CACNA1S: variants seen among roughly 807,000 people sequenced by gnomAD.
CACNA1S encodes calcium voltage-gated channel subunit alpha1 S.
CACNA1S carries 126 observed loss-of-function variants against 207.4 expected under a neutral mutation model. The observed-to-expected ratio is 0.61, with a 90% CI of 0.53 to 0.70. CACNA1S has a LOEUF of 0.70. Among genes scored for constraint, CACNA1S ranks in the 30% least tolerant of loss-of-function variants. The pLI is 0.00. For synonymous variants in CACNA1S, 960 were observed against 932.7 expected, an observed-to-expected ratio of 1.03 and a Z score of -0.53; for missense variants, 2,349 against 2,422.8, an observed-to-expected ratio of 0.97 and a Z score of 0.64.
At chr1:201,095,626 T>C (rs1383087007) in intron 2 of CACNA1S, among the ~76,000 whole-genome samples, 1 of 152,210 alleles carries the variant, frequency 6.6e-6, no homozygotes, top group Non-Finnish European at 1.5e-5. Flanking sequence ...TTGCTTTTCT[T>C]AATTTTGCCC....
At position 201,049,030 on chromosome 1, in the gene CACNA1S, C is replaced by A; in HGVS notation, c.4311G>T (p.Lys1437Asn). 1 of 1,613,920 alleles carries A rather than the reference C, an allele frequency of 6.2e-7. No homozygotes were observed. ...RRIQPPLGFGKFCPHRVACKR... is the reference protein window; with the variant it reads ...RRIQPPLGFGNFCPHRVACKR... ...TACAAGCTACCCGATGTGGGCAGAA[C>A]TTCCCAAAGCCCAGAGGGGGCTGAA... The change falls in exon 35 of 44, where the codon AAG (lysine) becomes AAT (asparagine). Residue 1437 changes from lysine (K) to asparagine (N), a missense_variant. Physicochemically the swap from Lys to Asn is moderately conservative, Grantham distance 94. Coordinates refer to ENST00000362061, the MANE Select transcript of CACNA1S (RefSeq NM_000069.3).
intron 2 of CACNA1S, among the ~76,000 whole-genome samples, chr1:201,096,632 G>C (rs760103970): frequency 1.3e-5 from 2 of 152,210 alleles, no homozygotes; most frequent in African/African-American, 4.8e-5. Flanking sequence ...CAGCTCTGCT[G>C]CTTTGGGCAA....
chr1:201,061,773 C>T (rs1038193569), intron 24 of CACNA1S, among the ~76,000 whole-genome samples, 171 bp downstream of exon 24: 2 of 152,206 alleles, frequency 1.3e-5, no homozygotes, highest in African/African-American at 4.8e-5. Flanking sequence ...CTGGTCAGGC[C>T]TACTTTGGAG....
chr1:201,078,132 A>T, intron 10 of CACNA1S, 28 bp from the exon 11 acceptor site: 1 of 1,538,832 alleles, frequency 6.5e-7, no homozygotes, highest in Non-Finnish European at 9.0e-7. Flanking sequence ...CAGCCCCGGC[A>T]TCACTCTCCT....
intron 23 of CACNA1S, 92 bp downstream of exon 23, chr1:201,062,370 C>T (rs938221372): frequency 3.8e-6 from 5 of 1,308,616 alleles, no homozygotes; most frequent in Non-Finnish European, 4.4e-6. Flanking sequence ...TGCCCCGTGA[C>T]CGTAACCCTC....
At chr1:201,054,640 G>A (rs533074075) in intron 28 of CACNA1S, 79 bp from the exon 29 acceptor site, 18 of 1,108,708 alleles carry the variant, frequency 1.6e-5, no homozygotes, top group South Asian at 5.2e-5. Flanking sequence ...GTGAAGAGAC[G>A]TGTCAGAAAG....
Position 201,109,340 on chromosome 1 carries a change from A to C in CACNA1S, c.258+824T>G, listed in dbSNP as rs1663017906. On this transcript the variant is annotated intron_variant, in intron 2 of 43. Transcript: ENST00000362061. ...TGGGTGACCCTGGGTAATGTGCCTA[A>C]ACTCTCTGAATATCAGTCTCCTTTG... Among the ~76,000 whole-genome samples, 4 of 152,138 alleles carry C rather than the reference A, an allele frequency of 2.6e-5. No homozygotes were observed. The South Asian group carries it at 8.3e-4, about 32-fold the overall frequency.
At chr1:201,045,559 A>C (rs1234991461) in intron 38 of CACNA1S, among the ~76,000 whole-genome samples, 1 of 151,738 alleles carries the variant, frequency 6.6e-6, no homozygotes, top group African/African-American at 2.4e-5. Flanking sequence ...GCATAGCGAA[A>C]CCCCATCTCT....
At position 201,100,649 on chromosome 1, in the gene CACNA1S, G is replaced by T. The variant is rs115034771; in HGVS notation, c.259-6628C>A. 3.9e-3 allele frequency among the ~76,000 whole-genome samples: 588 copies of T among 152,274 alleles called. 4 individuals are homozygous for T. The highest frequency in any genetic ancestry group is 0.014 in the African/African-American group (568 of 41,544). On this transcript the variant is annotated intron_variant, in intron 2 of 43. Transcript: ENST00000362061. ...TGGGTGGGCCAGACACACCAGGGCTGACTAGACAGAGGGACAATGGGGCTG... is the reference window on the plus strand; with the variant it reads ...TGGGTGGGCCAGACACACCAGGGCTTACTAGACAGAGGGACAATGGGGCTG...
chr1:201,058,458 A>C lies in CACNA1S; in HGVS notation c.3559T>G (p.Phe1187Val), dbSNP rs1403163076. The change falls in exon 28 of 44, where the codon TTC becomes GTC. Residue 1187 changes from phenylalanine to valine, a missense_variant. Coordinates refer to ENST00000362061, the MANE Select transcript of CACNA1S (RefSeq NM_000069.3). The stretch of plus-strand genomic sequence containing the variant: ...ATGATGCTGCCAATGACAATCAGGA[A>C]GTCAAACACATTCCAGGGGTCTCCA... ...YFGDPWNVFD[F>V]LIVIGSIIDV... 2 of 1,614,212 alleles carry C rather than the reference A, an allele frequency of 1.2e-6. No individual in the cohort carries two copies. The highest frequency in any genetic ancestry group is 3.3e-5 in the Admixed American group (2 of 60,032).
intron 43 of CACNA1S, 29 bp downstream of exon 43, chr1:201,040,202 C>A: frequency 6.2e-7 from 1 of 1,612,704 alleles, no homozygotes; most frequent in Non-Finnish European, 8.5e-7. Flanking sequence ...CTCAATGCAG[C>A]CACTGCTGTG....
At chr1:201,052,115 T>C (rs1660674875) in intron 32 of CACNA1S, among the ~76,000 whole-genome samples, 1 of 152,206 alleles carries the variant, frequency 6.6e-6, no homozygotes. Flanking sequence ...ATCCAAGCTC[T>C]AGCTCCTGTG....
At position 201,091,805 on chromosome 1, in the gene CACNA1S, G is replaced by T. The variant is rs199502458; in HGVS notation, c.542-13C>A. On this transcript the variant is annotated splice_polypyrimidine_tract_variant and intron_variant, in intron 4 of 43. Coordinates refer to ENST00000362061, the MANE Select transcript of CACNA1S (RefSeq NM_000069.3). ...ACCACCTGCAGGCCTGCAGAGGCAG[G>T]CAGGGAAGGGAAAAGAGGAGTCGCC... The T allele has an allele frequency of 6.2e-7, 1 of 1,611,720 alleles. No homozygotes were observed. Among genetic ancestry groups the T allele is most frequent in the African/African-American group, 1.3e-5 (1 of 74,966 alleles).
chr1:201,099,035 C>G lies in CACNA1S; in HGVS notation c.259-5014G>C, dbSNP rs114586220. Among the ~76,000 whole-genome samples the G allele has an allele frequency of 4.4e-3, 665 of 152,262 alleles. 2 individuals are homozygous for G. The highest frequency in any genetic ancestry group is 0.017 in the Middle Eastern group (5 of 294). On this transcript the variant is annotated intron_variant, in intron 2 of 43. Transcript: ENST00000362061. ...GGGTTGAAAAAAGCAGGGCTGGGAC[C>G]GCACATCCCCTCACCCTCCCACTGC...
intron 10 of CACNA1S, among the ~76,000 whole-genome samples, chr1:201,078,587 A>G (rs1661720405): frequency 6.6e-6 from 1 of 150,596 alleles, no homozygotes; most frequent in Non-Finnish European, 1.5e-5. Flanking sequence ...CTCATATCAT[A>G]TTTAACAGGA....
At chr1:201,106,177 C>T (rs1662876380) in intron 2 of CACNA1S, among the ~76,000 whole-genome samples, 1 of 151,952 alleles carries the variant, frequency 6.6e-6, no homozygotes, top group Admixed American at 6.5e-5. Context: ...TCCCCACCTC[C>T]AGTCCTCACC....
At chr1:201,060,512 T>C (rs1446389360) in intron 26 of CACNA1S, 146 bp downstream of exon 26, 2 of 835,630 alleles carry the variant, frequency 2.4e-6, no homozygotes, top group African/African-American at 3.4e-5. Context: ...CGCAGTTCAC[T>C]TCTGTATTCC....
intron 13 of CACNA1S, 139 bp from the exon 14 acceptor site, chr1:201,074,759 A>T (rs1308874834): frequency 2.8e-6 from 2 of 714,418 alleles, no homozygotes; most frequent in African/African-American, 3.5e-5. Flanking sequence ...ATCCAGGGAC[A>T]TAGTGGAAGG....
rs138337661 is a variant in CACNA1S, at chr1:201,058,586, C to T, written c.3526-95G>A. The T allele has an allele frequency of 3.4e-4, 342 of 1,008,712 alleles. 1 individual carries two copies. Among genetic ancestry groups the T allele is most frequent in the African/African-American group, 3.2e-3 (204 of 62,958 alleles). The allele number at this position is 1,008,712 out of a possible 1,614,324, so 62.5% of individuals were successfully genotyped here. ...GGACAGTGTCCCACCCGAGCTAATG[C>T]GGAGCTGCGGGTTAGGCCAAGGTGG... On this transcript the variant is annotated intron_variant, in intron 27 of 43. Transcript: ENST00000362061.
Sources: gnomAD v4.1 joint callset for allele counts (sites outside exome capture counted in the v4.1 genomes callset) on GRCh38, gnomAD v4.1.1 for gene constraint, MANE v1.5 for transcripts, NCBI Gene and HGNC (gene_info 2026-07-23, HGNC 2026-07-21) for gene names.